SCN11A: variants seen among roughly 807,000 people sequenced by gnomAD.
The protein encoded by SCN11A is sodium voltage-gated channel alpha subunit 11.
SCN11A carries 122 observed loss-of-function variants against 162.2 expected under a neutral mutation model. The observed-to-expected ratio is 0.75, with a 90% CI of 0.65 to 0.87. The LOEUF is 0.87. Among genes scored for constraint, SCN11A ranks in the 40% least tolerant of loss-of-function variants. SCN11A has a pLI of 0.00. For missense variants in SCN11A, 2,015 were observed against 2,181.6 expected (o/e 0.92, Z 1.52); for synonymous variants, 758 against 751.5 (o/e 1.01, Z -0.14).
Position 38,871,448 on chromosome 3 carries a change from T to C in SCN11A, c.3756A>G (p.Gln1252=). Residue 1252 remains glutamine, a synonymous_variant, in exon 25 of 30, where the codon CAA becomes CAG. Transcript: ENST00000302328. The part of the protein sequence containing the change: ...NVGNAYLALL[Q]VATFKGWMDI... Reference sequence around the variant, plus strand: ...AAAACATACTGACTGTACTTACCACTTGCAGCAGAGCGAGGTAAGCATTTC... The same window carrying C: ...AAAACATACTGACTGTACTTACCACCTGCAGCAGAGCGAGGTAAGCATTTC... The C allele has an allele frequency of 6.2e-7, 1 of 1,602,148 alleles. No homozygotes were observed. Among genetic ancestry groups the C allele is most frequent in the South Asian group, 1.1e-5 (1 of 88,270 alleles).
In SCN11A at chr3:38,905,223, A is replaced by G; in HGVS notation, c.1572T>C (p.Ser524=). Residue 524 remains serine (S), a synonymous_variant, in exon 15 of 30, where the codon AGT becomes AGC. Coordinates refer to ENST00000302328, the MANE Select transcript of SCN11A (RefSeq NM_001349253.2). ...TGGTGATGGTGAGGATGCTGACAGC[A>G]CTCAGTGCTCTCTGCCTTTGGAGAG... The part of the protein sequence containing the change: ...GDPLQRQRAL[S]AVSILTITMK... The G allele has an allele frequency of 2.5e-6, 4 of 1,614,018 alleles. No homozygotes were observed. The highest frequency in any genetic ancestry group is 3.4e-6 in the Non-Finnish European group (4 of 1,179,946).
chr3:38,898,616 T>C (rs993204649), intron 17 of SCN11A, among the ~76,000 whole-genome samples: 2 of 152,182 alleles, frequency 1.3e-5, no homozygotes, highest in Non-Finnish European at 2.9e-5. Context: ...AGAAATTTTA[T>C]CCTAGATCTT....
chr3:39,007,915 A>G (rs1305168211), intron 2 of SCN11A, among the ~76,000 whole-genome samples: 7 of 152,226 alleles, frequency 4.6e-5, no homozygotes, highest in South Asian at 2.1e-4. Flanking sequence ...TGCAACTGGC[A>G]TCTGAAATTG....
At chr3:38,920,418 CA>C in intron 10 of SCN11A, among the ~76,000 whole-genome samples, 1 of 152,238 alleles carries the variant, frequency 6.6e-6, no homozygotes, top group Admixed American at 6.5e-5. Flanking sequence ...GTTGGCCGGG[CA>C]TGGTGGCTCA....
At chr3:38,862,069 G>A (rs1049973628) in intron 28 of SCN11A, among the ~76,000 whole-genome samples, 3 of 151,706 alleles carry the variant, frequency 2.0e-5, no homozygotes, top group African/African-American at 7.3e-5. Context: ...TCCAAAAGTA[G>A]GCAAAAGACA....
chr3:38,939,806 G>A (rs1033398018), intron 7 of SCN11A, among the ~76,000 whole-genome samples: 1 of 151,958 alleles, frequency 6.6e-6, no homozygotes, highest in Non-Finnish European at 1.5e-5. Context: ...TGGAGGCTGA[G>A]TCAGGAGAAT....
intron 1 of SCN11A, among the ~76,000 whole-genome samples, chr3:39,036,581 A>G (rs1333191773): frequency 6.6e-6 from 1 of 152,240 alleles, no homozygotes; most frequent in Non-Finnish European, 1.5e-5. Flanking sequence ...ATAGAACGGG[A>G]AAAAATATTT....
chr3:38,872,362 C>T, intron 23 of SCN11A, 68 bp from the exon 24 acceptor site: 1 of 826,952 alleles, frequency 1.2e-6, no homozygotes, highest in East Asian at 2.5e-5. Flanking sequence ...CATTTTTCTC[C>T]TTATCTACCA....
intron 7 of SCN11A, among the ~76,000 whole-genome samples, chr3:38,943,763 T>C (rs761352970): frequency 1.3e-5 from 2 of 149,834 alleles, no homozygotes; most frequent in African/African-American, 2.4e-5. Context: ...ACTGAAAAAG[T>C]GGATCACATG....
intron 11 of SCN11A, among the ~76,000 whole-genome samples, chr3:38,914,356 T>G (rs2065929124): frequency 6.6e-6 from 1 of 152,220 alleles, no homozygotes. Context: ...GAAACTTTGC[T>G]GAAGTTGTTT....
At position 38,909,165 on chromosome 3, in the gene SCN11A, G is replaced by T; in HGVS notation, c.1131C>A (p.Val377=). 1 of 1,614,102 alleles carries T rather than the reference G, an allele frequency of 6.2e-7. No homozygotes were observed. The highest frequency in any genetic ancestry group is 1.7e-4 in the Middle Eastern group (1 of 6,060). ...GGAAAATGACCACAATGAAGAAGAA[G>T]ACTGAGTAGAGCCCAGTAGTACGCA... The part of the protein sequence containing the change: ...QTLRTTGLYS[V]FFFIVVIFLG... Residue 377 remains valine, a synonymous_variant, in exon 13 of 30, where the codon GTC becomes GTA. Transcript: ENST00000302328.
chr3:38,921,649 T>C (rs527863007), intron 9 of SCN11A, among the ~76,000 whole-genome samples: 2 of 152,298 alleles, frequency 1.3e-5, no homozygotes, highest in Admixed American at 6.5e-5. Context: ...ATTTAGTAGA[T>C]ACTGTCTACT....
intron 2 of SCN11A, among the ~76,000 whole-genome samples, chr3:39,015,445 A>G (rs1330029193): frequency 6.6e-6 from 1 of 152,214 alleles, no homozygotes; most frequent in Non-Finnish European, 1.5e-5. Context: ...GACTGAAAAA[A>G]GAGACTGACT....
chr3:38,945,736 T>C (rs565521401), intron 6 of SCN11A, among the ~76,000 whole-genome samples: 1 of 152,230 alleles, frequency 6.6e-6, no homozygotes, highest in Non-Finnish European at 1.5e-5. Flanking sequence ...CCCTTCTACA[T>C]GTCTGACTGA....
chr3:38,931,757 A>G (rs1376715507), intron 7 of SCN11A, among the ~76,000 whole-genome samples: 2 of 152,238 alleles, frequency 1.3e-5, no homozygotes, highest in East Asian at 3.8e-4. Context: ...AACAGCTGCT[A>G]GCCAGCTTTC....
chr3:39,020,138 G>A (rs1339760093), intron 2 of SCN11A, among the ~76,000 whole-genome samples: 3 of 152,098 alleles, frequency 2.0e-5, no homozygotes, highest in African/African-American at 7.2e-5. Flanking sequence ...ATCTCAAATG[G>A]TTGCCCCAAG....
intron 27 of SCN11A, among the ~76,000 whole-genome samples, chr3:38,865,127 A>G (rs1406971551): frequency 6.6e-6 from 1 of 152,174 alleles, no homozygotes; most frequent in East Asian, 1.9e-4. Context: ...AAGGGCGTAT[A>G]TGGCTTAGAA....
In SCN11A at chr3:38,881,644, A is replaced by G. The variant is rs185399442; in HGVS notation, c.3220-1521T>C. Among the ~76,000 whole-genome samples, 4 of 152,286 alleles carry G rather than the reference A, an allele frequency of 2.6e-5. No homozygotes were observed. In the East Asian group the frequency reaches 7.7e-4, roughly 29 times the overall value. On this transcript the variant is annotated intron_variant, in intron 22 of 29. Transcript: ENST00000302328. ...TTGTTACAATGGACTGCTTGTTACAATGTAATACTCTGCGTTTCTAACAAG... is the reference window on the plus strand; with the variant it reads ...TTGTTACAATGGACTGCTTGTTACAGTGTAATACTCTGCGTTTCTAACAAG...
intron 11 of SCN11A, among the ~76,000 whole-genome samples, chr3:38,914,623 T>C (rs144891363): frequency 0.016 from 2,414 of 152,286 alleles, 67 homozygotes; most frequent in African/African-American, 0.056. Flanking sequence ...GGCTGTAGGT[T>C]TGTCATAGAT....
Sources: allele counts gnomAD v4.1 joint callset (sites outside exome capture counted in the v4.1 genomes callset), GRCh38; gene constraint gnomAD v4.1.1; transcripts MANE v1.5; gene names NCBI Gene and HGNC (gene_info 2026-07-23, HGNC 2026-07-21).